Variants in JAK2 observed in about 807,000 individuals in gnomAD.
The protein encoded by JAK2 is tyrosine-protein kinase JAK2.
JAK2 carries 86 observed loss-of-function variants against 139.3 expected under a neutral mutation model. The observed-to-expected ratio is 0.62, with a 90% confidence interval of 0.52 to 0.74. The LOEUF (loss-of-function observed/expected upper bound fraction) is 0.74. Among genes scored for constraint, JAK2 ranks in the 30% least tolerant of loss-of-function variants. The pLI is 0.00. For missense variants in JAK2, 1,421 were observed against 1,360.3 expected (o/e 1.04, Z -0.70); for synonymous variants, 490 against 437.7 (o/e 1.12, Z -1.49).
chr9:5,048,522 A>G (rs1049017313), intron 5 of JAK2, among the ~76,000 whole-genome samples: 3 of 152,190 alleles, frequency 2.0e-5, no homozygotes, highest in African/African-American at 7.2e-5. Flanking sequence ...CTTAAACAGT[A>G]TAACTTACTT....
chr9:5,093,286 C>G (rs1261137092), intron 22 of JAK2, among the ~76,000 whole-genome samples: 1 of 152,130 alleles, frequency 6.6e-6, no homozygotes, highest in African/African-American at 2.4e-5. Context: ...CACCTGTTTA[C>G]CAAAAACATC....
intron 19 of JAK2, among the ~76,000 whole-genome samples, chr9:5,083,163 AGCTTTTCTGCCT>A (rs1399437071): frequency 1.3e-5 from 2 of 152,092 alleles, no homozygotes; most frequent in Non-Finnish European, 2.9e-5. Context: ...GGAATACATA[AGCTTTTCTGCCT>A]GCCTTTCTGC....
intron 22 of JAK2, chr9:5,114,006 G>A: frequency 3.5e-6 from 1 of 287,622 alleles, no homozygotes; most frequent in Non-Finnish European, 6.9e-6. Flanking sequence ...GCAGGTCGTG[G>A]ATGTGAACTG....
At chr9:5,071,348 A>G (rs1055448712) in intron 12 of JAK2, among the ~76,000 whole-genome samples, 1 of 152,214 alleles carries the variant, frequency 6.6e-6, no homozygotes, top group Admixed American at 6.5e-5. Context: ...CATCAAAATT[A>G]GAACTCCAGG....
intron 3 of JAK2, 110 bp from the exon 4 acceptor site, chr9:5,029,673 T>C: frequency 1.0e-6 from 1 of 953,186 alleles, no homozygotes; most frequent in South Asian, 1.9e-5. Context: ...CTATTACATT[T>C]TGTTCCGATT....
At chr9:5,110,257 CTT>C (rs1285079338) in intron 22 of JAK2, 1 of 152,206 alleles carries the variant, frequency 6.6e-6, no homozygotes, top group Non-Finnish European at 1.5e-5. Context: ...CGCTTCTACC[CTT>C]TAATAGAAAA....
At chr9:5,041,260 C>T in intron 4 of JAK2, 1 of 1,366,794 alleles carries the variant, frequency 7.3e-7, no homozygotes, top group Non-Finnish European at 1.0e-6. Context: ...TCCACATCAT[C>T]GACCTCGGGC....
chr9:5,084,791 G>A (rs184520347), intron 19 of JAK2, among the ~76,000 whole-genome samples: 7 of 152,212 alleles, frequency 4.6e-5, no homozygotes, highest in Non-Finnish European at 1.0e-4. Context: ...AGAATTTATA[G>A]GACTAGAATG....
At chr9:5,008,777 C>T (rs1821489466) in intron 2 of JAK2, among the ~76,000 whole-genome samples, 1 of 152,212 alleles carries the variant, frequency 6.6e-6, no homozygotes, top group Admixed American at 6.5e-5. Flanking sequence ...GCATCTTTAA[C>T]ACCAATAAAA....
chr9:5,065,553 AGCATTTGAGAT>A (rs1563970272), intron 9 of JAK2, among the ~76,000 whole-genome samples: 2 of 152,236 alleles, frequency 1.3e-5, no homozygotes, highest in African/African-American at 4.8e-5. Context: ...GTGGCTGTTT[AGCATTTGAGAT>A]GTGGCTAATG....
intron 22 of JAK2, chr9:5,111,209 G>A: frequency 4.9e-6 from 3 of 614,216 alleles, no homozygotes; most frequent in Non-Finnish European, 5.9e-6. Flanking sequence ...GGACTCGGAG[G>A]CAAGAGCAGC....
intron 2 of JAK2, among the ~76,000 whole-genome samples, chr9:5,018,590 C>T (rs1355743356): frequency 1.3e-5 from 2 of 152,194 alleles, no homozygotes; most frequent in Non-Finnish European, 2.9e-5. Context: ...CTGCCTGCCT[C>T]AGCCACCCAA....
intron 19 of JAK2, among the ~76,000 whole-genome samples, chr9:5,086,394 G>A (rs1820117508): frequency 6.6e-6 from 1 of 152,144 alleles, no homozygotes; most frequent in African/African-American, 2.4e-5. Context: ...TGCAGATATG[G>A]GATTCAGAGA....
intron 2 of JAK2, among the ~76,000 whole-genome samples, chr9:4,988,180 C>T (rs1820069640): frequency 6.6e-6 from 1 of 152,182 alleles, no homozygotes; most frequent in South Asian, 2.1e-4. Context: ...CTTTTAGACC[C>T]CTCCTCTTAG....
chr9:5,044,854 CATTT>C (rs1214211311), intron 5 of JAK2, among the ~76,000 whole-genome samples: 1 of 152,084 alleles, frequency 6.6e-6, no homozygotes, highest in Non-Finnish European at 1.5e-5. Flanking sequence ...ATATTAGTAA[CATTT>C]CTTTATGGTT....
intron 4 of JAK2, among the ~76,000 whole-genome samples, chr9:5,031,179 C>G (rs1203149262): frequency 6.6e-6 from 1 of 152,066 alleles, no homozygotes; most frequent in Admixed American, 6.6e-5. Context: ...AATCAAAATC[C>G]TAACAAAGGC....
chr9:4,988,207 C>G (rs565906922), intron 2 of JAK2, among the ~76,000 whole-genome samples: 71 of 152,314 alleles, frequency 4.7e-4, no homozygotes, highest in African/African-American at 1.5e-3. Context: ...GTTTCCCAAA[C>G]TGTGTGCCAA....
rs985348180 is a variant in JAK2 at position 5,128,828 on chromosome 9, T to G, written c.*2037T>G. Among the ~76,000 whole-genome samples the G allele has an allele frequency of 6.6e-6, 1 of 152,142 alleles. No individual in the cohort carries two copies. On this transcript the variant is annotated 3_prime_UTR_variant, in exon 25 of 25. Transcript: ENST00000381652. ...TTCTGTACAAGAAACAGGTAAGTAA[T>G]TATTGTACCAGTTAATGCCAAAATA...
Position 5,128,281 on chromosome 9 carries a change from T to TATTA in JAK2, c.*1491_*1494dup. On this transcript the variant is annotated 3_prime_UTR_variant, in exon 25 of 25. Transcript: ENST00000381652. ...AGGAAGAAATGTTTTTTACATTCAT[T>TATTA]ATTATACTTAAAGCATTTTTAAAGC... 4.4e-6 allele frequency: 1 copy of TATTA among 227,970 alleles called. No homozygotes were observed. The allele number at this position is 227,970 out of a possible 1,614,324, so 14.1% of individuals were successfully genotyped here.
Sources: gnomAD v4.1 joint callset for allele counts (sites outside exome capture counted in the v4.1 genomes callset) on GRCh38, gnomAD v4.1.1 for gene constraint, MANE v1.5 for transcripts, NCBI Gene and HGNC (gene_info 2026-07-23, HGNC 2026-07-21) for gene names.